Variants in DENND4A observed in about 807,000 individuals in gnomAD.
DENND4A encodes DENN domain containing 4A.
In DENND4A, 70 loss-of-function variants were observed where a neutral mutation model predicts 199.3. That is an observed-to-expected ratio of 0.35 (90% CI 0.29 to 0.43). The LOEUF is 0.43. Among genes scored for constraint, DENND4A ranks in the 20% least tolerant of loss-of-function variants. DENND4A has a pLI of 1.00. For synonymous variants in DENND4A, 686 were observed against 766.9 expected (o/e 0.89, Z 1.74); for missense variants, 1,723 against 2,255.8 (o/e 0.76, Z 4.78).
chr15:65,777,245 G>A (rs2077307030), intron 1 of DENND4A, among the ~76,000 whole-genome samples: 1 of 152,124 alleles, frequency 6.6e-6, no homozygotes, highest in Non-Finnish European at 1.5e-5. Context: ...CCCTTCATGA[G>A]TCTTGGCTGT....
chr15:65,775,875 C>T (rs1438068387), intron 1 of DENND4A, among the ~76,000 whole-genome samples: 2 of 152,148 alleles, frequency 1.3e-5, no homozygotes, highest in African/African-American at 2.4e-5. Flanking sequence ...AAATTCACTT[C>T]AGTCATACTG....
At chr15:65,771,060 A>G in intron 1 of DENND4A, 1 of 1,030,008 alleles carries the variant, frequency 9.7e-7, no homozygotes, top group East Asian at 2.6e-5. Context: ...GGAACCAACT[A>G]TTCAGTTTAA....
chr15:65,679,344 G>A (rs1480779719), intron 23 of DENND4A, among the ~76,000 whole-genome samples: 3 of 151,696 alleles, frequency 2.0e-5, no homozygotes, highest in African/African-American at 4.8e-5. Flanking sequence ...CTTGTGATCC[G>A]CCCGCCTCGG....
rs1331056664 is a variant in DENND4A, at chr15:65,792,087, C to G, written c.-179G>C. The G allele has an allele frequency of 3.9e-5, 6 of 152,720 alleles. No individual in the cohort carries two copies. The highest frequency in any genetic ancestry group is 1.3e-4 in the Admixed American group (2 of 15,310). The allele number at this position is 152,720 out of a possible 1,614,324, so 9.5% of individuals were successfully genotyped here. On this transcript the variant is annotated 5_prime_UTR_variant, in exon 1 of 33. Transcript: ENST00000443035. ...GAATCCCGCACGCGCGGTAGCGGAA[C>G]ACGAGGGGCTGAATGCCGCGGCGCT...
At chr15:65,682,817 T>A (rs1332387092) in intron 23 of DENND4A, among the ~76,000 whole-genome samples, 1 of 152,178 alleles carries the variant, frequency 6.6e-6, no homozygotes, top group Non-Finnish European at 1.5e-5. Flanking sequence ...CTAATTTCAA[T>A]ATTGTTGTGT....
At chr15:65,678,246 A>G (rs771403931) in intron 23 of DENND4A, among the ~76,000 whole-genome samples, 12 of 152,028 alleles carry the variant, frequency 7.9e-5, no homozygotes, top group Admixed American at 4.6e-4. Flanking sequence ...TTCTTTTTCA[A>G]AATTTTCTTG....
In DENND4A at chr15:65,750,729, CT is replaced by C. The variant is rs563776511; in HGVS notation, c.561+1649del. 2.1e-3 allele frequency among the ~76,000 whole-genome samples: 302 copies of C among 144,832 alleles called. 2 individuals carry two copies. Among genetic ancestry groups the C allele is most frequent in the African/African-American group, 4.9e-3 (195 of 39,782 alleles). The stretch of plus-strand genomic sequence containing the variant: ...TCCAATTTTCTTTGAGTATACATTC[CT>C]TTTTTTTTTTAATTTAAAACAGTAA... On this transcript the variant is annotated intron_variant, in intron 4 of 32. Coordinates refer to ENST00000443035, the MANE Select transcript of DENND4A (RefSeq NM_001320835.1).
chr15:65,661,843 AATAC>A lies in DENND4A; in HGVS notation c.*4_*7del. The A allele has an allele frequency of 6.3e-7, 1 of 1,599,764 alleles. No homozygotes were observed. Among genetic ancestry groups the A allele is most frequent in the Non-Finnish European group, 8.5e-7 (1 of 1,172,132 alleles). On this transcript the variant is annotated 3_prime_UTR_variant, in exon 33 of 33. Transcript: ENST00000443035. Reference sequence around the variant, plus strand: ...TATACATTGAATGTTTACACATACAAATACATCTTAAAGATAAGGTTCTCCAAAG... The same window carrying A: ...TATACATTGAATGTTTACACATACAAATCTTAAAGATAAGGTTCTCCAAAG...
chr15:65,688,678 C>T (rs2076874718), intron 23 of DENND4A, among the ~76,000 whole-genome samples: 2 of 152,180 alleles, frequency 1.3e-5, no homozygotes, highest in Admixed American at 1.3e-4. Context: ...CACAAAGAGG[C>T]CTCTTTCTCA....
Position 65,659,830 on chromosome 15 carries a change from C to T in DENND4A, c.*2021G>A, listed in dbSNP as rs1486645608. 3.3e-5 allele frequency: 5 copies of T among 153,236 alleles called. No homozygotes were observed. The highest frequency in any genetic ancestry group is 1.2e-4 in the African/African-American group (5 of 41,418). The allele number at this position is 153,236 out of a possible 1,614,324, so 9.5% of individuals were successfully genotyped here. ...GGAGGTAAAAATTACATTCGCTTTT[C>T]CAAATGAGTCTGAATCGTAAAACCA... On this transcript the variant is annotated 3_prime_UTR_variant, in exon 33 of 33. Coordinates refer to ENST00000443035, the MANE Select transcript of DENND4A (RefSeq NM_001320835.1).
chr15:65,673,015 C>A (rs1023376870), intron 24 of DENND4A, among the ~76,000 whole-genome samples: 32 of 151,956 alleles, frequency 2.1e-4, no homozygotes, highest in Non-Finnish European at 4.4e-4. Context: ...CGCATGCCAC[C>A]ACACCCAGCT....
rs2075849564 is a variant in DENND4A at position 65,661,778 on chromosome 15, TTA to T, written c.*71_*72del. The T allele has an allele frequency of 7.8e-7, 1 of 1,287,762 alleles. No homozygotes were observed. The allele number at this position is 1,287,762 out of a possible 1,614,324, so 79.8% of individuals were successfully genotyped here. A position where few individuals can be genotyped will look rare whatever the true frequency, so the allele number is the denominator to read the frequency against. ...TTTTCAAAAATTGAAGAAAAAATATTTAGAGTCTAAAAGTGTTATTTTATACA... is the reference window on the plus strand; with the variant it reads ...TTTTCAAAAATTGAAGAAAAAATATTGAGTCTAAAAGTGTTATTTTATACA... On this transcript the variant is annotated 3_prime_UTR_variant, in exon 33 of 33. Transcript: ENST00000443035.
chr15:65,760,030 G>A (rs1239811686), intron 2 of DENND4A, among the ~76,000 whole-genome samples: 1 of 151,978 alleles, frequency 6.6e-6, no homozygotes, highest in Non-Finnish European at 1.5e-5. Context: ...GAATTATTAG[G>A]TCAAAGGTTA....
At chr15:65,678,413 C>A (rs143730380) in intron 23 of DENND4A, among the ~76,000 whole-genome samples, 47 of 152,220 alleles carry the variant, frequency 3.1e-4, no homozygotes, top group African/African-American at 1.1e-3. Context: ...AGACTGAATC[C>A]ATCAGTAAAT....
intron 16 of DENND4A, 99 bp from the exon 17 acceptor site, chr15:65,702,610 T>C (rs1440817642): frequency 3.7e-6 from 4 of 1,072,030 alleles, no homozygotes; most frequent in Middle Eastern, 2.4e-4. Flanking sequence ...TTTTATAATG[T>C]TTCCATAACA....
chr15:65,711,891 G>A (rs1036662143), intron 14 of DENND4A, among the ~76,000 whole-genome samples: 16 of 152,164 alleles, frequency 1.1e-4, no homozygotes, highest in African/African-American at 3.9e-4. Context: ...CAACTCCTGG[G>A]CTCCCCGCTC....
chr15:65,744,693 G>T (rs1464494387), intron 4 of DENND4A, among the ~76,000 whole-genome samples: 1 of 152,028 alleles, frequency 6.6e-6, no homozygotes, highest in African/African-American at 2.4e-5. Context: ...AACATTAGTG[G>T]GTAGCTCTGA....
chr15:65,679,318 G>T (rs759066335), intron 23 of DENND4A, among the ~76,000 whole-genome samples: 5 of 149,168 alleles, frequency 3.4e-5, no homozygotes, highest in Non-Finnish European at 4.5e-5. Flanking sequence ...AGCCAGGATG[G>T]TCTCCATCTC....
At chr15:65,702,805 C>T (rs1027886473) in intron 16 of DENND4A, 68 bp downstream of exon 16, 25 of 1,399,992 alleles carry the variant, frequency 1.8e-5, no homozygotes, top group Middle Eastern at 1.9e-4. Context: ...AAGCATATTA[C>T]GGGAGGATAA....
Sources: gnomAD v4.1 joint callset for allele counts (sites outside exome capture counted in the v4.1 genomes callset) on GRCh38, gnomAD v4.1.1 for gene constraint, MANE v1.5 for transcripts, NCBI Gene and HGNC (gene_info 2026-07-23, HGNC 2026-07-21) for gene names.